ALK: variants seen among roughly 807,000 people sequenced by gnomAD.
ALK encodes the protein ALK tyrosine kinase receptor.
ALK carries 74 observed loss-of-function variants against 163.1 expected under a neutral mutation model. That is an observed-to-expected ratio of 0.45 (90% CI 0.38 to 0.55). ALK has a LOEUF of 0.55. ALK is among the 20% of genes least tolerant of loss of function. The pLI, the probability that ALK is intolerant of heterozygous loss-of-function variation, is 0.00. For missense variants in ALK, 2,063 were observed against 2,105.3 expected, an observed-to-expected ratio of 0.98 and a Z score of 0.39; for synonymous variants, 960 against 843.2, an observed-to-expected ratio of 1.14 and a Z score of -2.40.
chr2:29,628,218 CT>C (rs1081031), intron 3 of ALK, among the ~76,000 whole-genome samples: 1,990 of 152,242 alleles, frequency 0.013, 35 homozygotes, highest in African/African-American at 0.036. Flanking sequence ...CCATTTAGGC[CT>C]TTTATGATTC....
At chr2:29,270,932 A>T (rs78261232) in intron 11 of ALK, among the ~76,000 whole-genome samples, 2 of 152,142 alleles carry the variant, frequency 1.3e-5, no homozygotes, top group East Asian at 3.9e-4. Flanking sequence ...TAAAGAGAGG[A>T]ACTTGGCTTC....
At chr2:29,873,336 G>A (rs962374565) in intron 1 of ALK, among the ~76,000 whole-genome samples, 11 of 152,124 alleles carry the variant, frequency 7.2e-5, no homozygotes, top group Middle Eastern at 3.2e-3. Flanking sequence ...TGGAGGAAGC[G>A]GCTGCAGAAA....
chr2:29,344,403 C>T (rs1667887707), intron 5 of ALK, among the ~76,000 whole-genome samples: 1 of 152,190 alleles, frequency 6.6e-6, no homozygotes, highest in African/African-American at 2.4e-5. Flanking sequence ...GCAGCGTCCT[C>T]CTTGGTCATG....
rs1025389302 is a variant in ALK, at chr2:29,814,446, G to A, written c.668-96749C>T. On this transcript the variant is annotated intron_variant, in intron 1 of 28. Coordinates refer to ENST00000389048, the MANE Select transcript of ALK (RefSeq NM_004304.5). The stretch of plus-strand genomic sequence containing the variant: ...GAGGCCGAGGCGGGCGGATCACGAG[G>A]TCAGGAGATCGAGACCATCCTGGCT... 8.6e-5 allele frequency among the ~76,000 whole-genome samples: 13 copies of A among 152,044 alleles called. No individual in the cohort carries two copies. In the South Asian group the frequency reaches 2.7e-3, roughly 32 times the overall value.
chr2:29,604,163 G>GTTTTTTTT (rs34399929), intron 3 of ALK, among the ~76,000 whole-genome samples: 80 of 138,186 alleles, frequency 5.8e-4, no homozygotes, highest in African/African-American at 2.1e-3. Flanking sequence ...GAATAGAGAA[G>GTTTTTTTT]TTTTTTTTTT....
intron 1 of ALK, among the ~76,000 whole-genome samples, chr2:29,727,748 G>C (rs1679613590): frequency 6.6e-6 from 1 of 152,208 alleles, no homozygotes; most frequent in Non-Finnish European, 1.5e-5. Flanking sequence ...CCAACAGCCT[G>C]ATTGGCTTCA....
At chr2:29,288,957 AAT>A (rs367903687) in intron 9 of ALK, among the ~76,000 whole-genome samples, 2,799 of 25,056 alleles carry the variant, frequency 0.11, 410 homozygotes, top group South Asian at 0.42. Flanking sequence ...TTCTCAAAAA[AAT>A]AAATAAATAA....
chr2:29,675,406 A>G (rs151192157), intron 3 of ALK, among the ~76,000 whole-genome samples: 42 of 152,134 alleles, frequency 2.8e-4, no homozygotes, highest in Admixed American at 2.4e-3. Flanking sequence ...CAAGTGAAGG[A>G]AAGAGTGACA....
rs775351719 is a variant in ALK at position 29,226,982 on chromosome 2, T to C, written c.3007A>G (p.Lys1003Glu). Residue 1003 changes from lysine to glutamate, a missense_variant, in exon 18 of 29, where the codon AAG (lysine) becomes GAG (glutamate). Lys to Glu is a moderately conservative substitution (Grantham distance 56). Around this residue, in one of 5 missense-constraint regions of ALK, gnomAD observed 575 missense variants for 626.6 expected, o/e 0.92. Transcript: ENST00000389048. ...DECHMDPESH[K>E]VICFCDHGTV... ...CCGTGGTCACAGAAGCAGATGACCT[T>C]GTGGCTTTCAGGGTCCATGTGACAT... 3 of 1,614,204 alleles carry C rather than the reference T, an allele frequency of 1.9e-6. No homozygotes were observed. The South Asian group carries it at 3.3e-5, about 18-fold the overall frequency.
At chr2:29,554,879 C>T (rs528898979) in intron 3 of ALK, among the ~76,000 whole-genome samples, 12 of 152,226 alleles carry the variant, frequency 7.9e-5, no homozygotes, top group African/African-American at 2.6e-4. Context: ...AAGATGGTGA[C>T]GAGAGTGGCC....
At chr2:29,335,971 C>A (rs753101595) in intron 5 of ALK, among the ~76,000 whole-genome samples, 1 of 151,942 alleles carries the variant, frequency 6.6e-6, no homozygotes, top group Non-Finnish European at 1.5e-5. Context: ...ACCTGGGAGG[C>A]GGAGGTTGCA....
chr2:29,501,284 T>G (rs1672167277), intron 4 of ALK, among the ~76,000 whole-genome samples: 1 of 152,234 alleles, frequency 6.6e-6, no homozygotes, highest in African/African-American at 2.4e-5. Context: ...CTCATTTACT[T>G]GGCATTCATC....
intron 1 of ALK, among the ~76,000 whole-genome samples, chr2:29,830,766 T>G (rs1240449332): frequency 3.9e-5 from 5 of 128,086 alleles, no homozygotes; most frequent in Admixed American, 8.1e-5. Flanking sequence ...TAGCCAAGCA[T>G]GGTGGCATGT....
chr2:29,459,099 T>C (rs1314708156), intron 4 of ALK, among the ~76,000 whole-genome samples: 1 of 152,174 alleles, frequency 6.6e-6, no homozygotes, highest in African/African-American at 2.4e-5. Flanking sequence ...TGATGCCATC[T>C]AACATATGCC....
At chr2:29,314,222 G>A (rs10186908) in intron 8 of ALK, among the ~76,000 whole-genome samples, 1 of 152,122 alleles carries the variant, frequency 6.6e-6, no homozygotes, top group South Asian at 2.1e-4. Context: ...GGGATGGATG[G>A]CCAAGGTCAA....
intron 1 of ALK, among the ~76,000 whole-genome samples, chr2:29,893,250 A>G (rs903755970): frequency 2.4e-4 from 36 of 152,090 alleles, no homozygotes; most frequent in African/African-American, 7.0e-4. Flanking sequence ...TCCTTTTTAC[A>G]TTTATCTACT....
At chr2:29,236,401 G>C (rs1468295157) in intron 13 of ALK, among the ~76,000 whole-genome samples, 3 of 152,216 alleles carry the variant, frequency 2.0e-5, no homozygotes, top group Non-Finnish European at 4.4e-5. Context: ...GGAGACAGCA[G>C]TGGGGCTTGA....
At chr2:29,801,946 T>G (rs1664476727) in intron 1 of ALK, among the ~76,000 whole-genome samples, 1 of 152,204 alleles carries the variant, frequency 6.6e-6, no homozygotes, top group Non-Finnish European at 1.5e-5. Flanking sequence ...AACAACTTCT[T>G]AACCCCTAGG....
At chr2:29,233,810 A>C (rs1331154534) in intron 13 of ALK, 114 bp from the exon 14 acceptor site, 1 of 1,420,320 alleles carries the variant, frequency 7.0e-7, no homozygotes, top group Admixed American at 1.7e-5. Flanking sequence ...AAAAACTTAC[A>C]GTTGAGTTGA....
Sources: allele counts gnomAD v4.1 joint callset (sites outside exome capture counted in the v4.1 genomes callset), GRCh38; gene constraint gnomAD v4.1.1; regional missense constraint gnomAD v4.1.1; transcripts MANE v1.5; gene names NCBI Gene and HGNC (gene_info 2026-07-23, HGNC 2026-07-21).